The following AFG3L2 variants were observed in gnomAD, a reference collection of about 807,000 sequenced individuals.
AFG3L2 encodes the protein AFG3 like matrix AAA peptidase subunit 2.
Under a neutral mutation model 94.5 loss-of-function variants are expected in AFG3L2, and 54 were observed. The ratio of observed to expected loss-of-function variants is 0.57; its 90% CI spans 0.46 to 0.72. The LOEUF (loss-of-function observed/expected upper bound fraction) is 0.72. Among genes scored for constraint, AFG3L2 ranks in the 30% least tolerant of loss-of-function variants. The pLI is 0.00. For missense variants in AFG3L2, 754 were observed against 994.9 expected (o/e 0.76, Z 3.26); for synonymous variants, 377 against 365.5 (o/e 1.03, Z -0.36).
At chr18:12,338,227 G>A (rs1029236594) in intron 15 of AFG3L2, among the ~76,000 whole-genome samples, 17 of 152,068 alleles carry the variant, frequency 1.1e-4, no homozygotes, top group Admixed American at 5.2e-4. Context: ...ATGAGCCACC[G>A]TGCCCAGCCT....
intron 9 of AFG3L2, among the ~76,000 whole-genome samples, chr18:12,353,502 G>A (rs995938928): frequency 4.0e-5 from 4 of 100,524 alleles, no homozygotes; most frequent in Non-Finnish European, 3.7e-5. Flanking sequence ...CAACAAGAGC[G>A]AAATTCTGTC....
intron 13 of AFG3L2, among the ~76,000 whole-genome samples, chr18:12,347,418 A>ATC (rs1196415199): frequency 6.6e-6 from 1 of 152,206 alleles, no homozygotes; most frequent in African/African-American, 2.4e-5. Context: ...TTGAATTGCT[A>ATC]CTTGCCTTTA....
intron 12 of AFG3L2, among the ~76,000 whole-genome samples, chr18:12,350,081 G>A: frequency 6.6e-6 from 1 of 151,558 alleles, no homozygotes; most frequent in East Asian, 1.9e-4. Context: ...GGGTGATTTA[G>A]GCTCACTGCA....
At chr18:12,360,432 G>A (rs1211272420) in intron 6 of AFG3L2, among the ~76,000 whole-genome samples, 1 of 152,148 alleles carries the variant, frequency 6.6e-6, no homozygotes, top group African/African-American at 2.4e-5. Flanking sequence ...GTGAAACAGG[G>A]ATAAGAGCTA....
chr18:12,372,464 T>C (rs1330978148), intron 1 of AFG3L2, among the ~76,000 whole-genome samples: 1 of 152,196 alleles, frequency 6.6e-6, no homozygotes, highest in East Asian at 1.9e-4. Flanking sequence ...GTAGCCACTC[T>C]GGAAAACAGT....
intron 12 of AFG3L2, among the ~76,000 whole-genome samples, chr18:12,350,819 A>G (rs1275259706): frequency 6.6e-6 from 1 of 152,160 alleles, no homozygotes; most frequent in Non-Finnish European, 1.5e-5. Context: ...ATGGTGGTAC[A>G]TGCCTGTAGT....
rs1908566962 is a variant in AFG3L2, at chr18:12,358,692, T to C, written c.1004A>G (p.Asp335Gly). The change falls in exon 8 of 17, where the codon GAC (aspartate) becomes GGC (glycine). Residue 335 changes from aspartate to glycine, a missense_variant. By Grantham distance (94) the Asp-to-Gly change is moderately conservative. Around this residue, in one of 4 missense-constraint regions of AFG3L2, gnomAD observed 109 missense variants for 227.1 expected, o/e 0.48. Transcript: ENST00000269143. The part of the protein sequence containing the change: ...NFLKNPKQYQ[D>G]LGAKIPKGAI... Reference sequence around the variant, plus strand: ...TACCTTTGGGATTTTTGCTCCTAGGTCTTGATACTGCTTTGGGTTTTTCAA... The same window carrying C: ...TACCTTTGGGATTTTTGCTCCTAGGCCTTGATACTGCTTTGGGTTTTTCAA... 1 of 1,614,252 alleles carries C rather than the reference T, an allele frequency of 6.2e-7. No homozygotes were observed. Among genetic ancestry groups the C allele is most frequent in the Admixed American group, 1.7e-5 (1 of 60,032 alleles).
intron 16 of AFG3L2, among the ~76,000 whole-genome samples, chr18:12,333,361 TATA>T (rs1568132380): frequency 5.3e-5 from 7 of 133,306 alleles, no homozygotes; most frequent in African/African-American, 1.7e-4. Context: ...ATTATATATA[TATA>T]TTTTTTCCCC....
At chr18:12,367,809 C>T (rs553236015) in intron 3 of AFG3L2, among the ~76,000 whole-genome samples, 5 of 152,134 alleles carry the variant, frequency 3.3e-5, no homozygotes, top group South Asian at 4.2e-4. Context: ...ACCAGAATTT[C>T]GGGGGGCCAA....
intron 12 of AFG3L2, among the ~76,000 whole-genome samples, chr18:12,349,366 T>TA (rs765629234): frequency 5.9e-5 from 9 of 152,288 alleles, no homozygotes; most frequent in Admixed American, 2.0e-4. Context: ...CTCAAAAAGT[T>TA]AGAGTTACCA....
chr18:12,342,673 T>C (rs1163870689), intron 14 of AFG3L2: 2 of 152,216 alleles, frequency 1.3e-5, no homozygotes, highest in African/African-American at 4.8e-5. Flanking sequence ...ATGGTTTTAG[T>C]TCTTATGACC....
chr18:12,372,431 T>A (rs904024310), intron 1 of AFG3L2, among the ~76,000 whole-genome samples: 1 of 152,212 alleles, frequency 6.6e-6, no homozygotes, highest in African/African-American at 2.4e-5. Flanking sequence ...CTGTACACTG[T>A]GCTGGTGAGA....
chr18:12,362,119 A>G (rs1238839555), intron 6 of AFG3L2, among the ~76,000 whole-genome samples: 3 of 152,248 alleles, frequency 2.0e-5, no homozygotes, highest in Admixed American at 6.5e-5. Flanking sequence ...TATGCACACT[A>G]AAATTTGAAA....
rs144035534 is a variant in AFG3L2, at chr18:12,367,322, C to T, written c.353G>A (p.Arg118Gln). The T allele has an allele frequency of 5.6e-6, 9 of 1,614,070 alleles. No individual in the cohort carries two copies. Among genetic ancestry groups the T allele is most frequent in the Middle Eastern group, 1.6e-4 (1 of 6,084 alleles). The change falls in exon 4 of 17, where the codon CGA becomes CAA. Residue 118 changes from arginine (R) to glutamine (Q), a missense_variant. By Grantham distance (43) the Arg-to-Gln change is conservative. Transcript: ENST00000269143. ...SGGGGGGGGK[R>Q]GGKKDDSHWW... ...GTGAGAATCATCTTTCTTGCCACCTCGTTTTCCACCGCCACCACCTCCTCC... is the reference window on the plus strand; with the variant it reads ...GTGAGAATCATCTTTCTTGCCACCTTGTTTTCCACCGCCACCACCTCCTCC...
Position 12,330,504 on chromosome 18 carries a change from G to A in AFG3L2, c.2176-721C>T, listed in dbSNP as rs559899945. Among the ~76,000 whole-genome samples, 192 of 152,238 alleles carry A rather than the reference G, an allele frequency of 1.3e-3. 2 individuals are homozygous for A. In the South Asian group the frequency reaches 0.013, roughly 10 times the overall value. On this transcript the variant is annotated intron_variant, in intron 16 of 16. Coordinates refer to ENST00000269143, the MANE Select transcript of AFG3L2 (RefSeq NM_006796.3). ...ATTAAAGCAGAATAGGCAGCCAAGT[G>A]CAGTGGCTCACACCTGTAATCCCAG...
intron 13 of AFG3L2, 98 bp from the exon 14 acceptor site, chr18:12,344,345 G>T: frequency 9.9e-7 from 1 of 1,013,560 alleles, no homozygotes; most frequent in Non-Finnish European, 1.5e-6. Flanking sequence ...ACCTAAAATG[G>T]GGTTTGGAGA....
intron 5 of AFG3L2, among the ~76,000 whole-genome samples, chr18:12,365,586 T>A (rs1908779978): frequency 1.3e-5 from 2 of 152,168 alleles, no homozygotes; most frequent in South Asian, 4.2e-4. Flanking sequence ...CCACTGAAGG[T>A]TTCCAACTTC....
rs148540794 is a variant in AFG3L2, at chr18:12,350,231, G to A, written c.1552+854C>T. ...TTGCCATGTTAGCCAGGCTGGTCTC[G>A]AACTCCTGACCTCAGGTGATCCACC... On this transcript the variant is annotated intron_variant, in intron 12 of 16. Transcript: ENST00000269143. Among the ~76,000 whole-genome samples the A allele has an allele frequency of 4.5e-3, 688 of 151,588 alleles. 4 individuals carry two copies. Among genetic ancestry groups the A allele is most frequent in the South Asian group, 8.2e-3 (39 of 4,784 alleles).
intron 9 of AFG3L2, among the ~76,000 whole-genome samples, chr18:12,354,990 G>A (rs1284579203): frequency 1.3e-5 from 2 of 152,050 alleles, no homozygotes; most frequent in Non-Finnish European, 2.9e-5. Flanking sequence ...CAAGGCAGGG[G>A]GTGCATCACC....
Sources: gnomAD v4.1 joint callset for allele counts (sites outside exome capture counted in the v4.1 genomes callset) on GRCh38, gnomAD v4.1.1 for gene constraint, gnomAD v4.1.1 regional missense constraint, MANE v1.5 for transcripts, NCBI Gene and HGNC (gene_info 2026-07-23, HGNC 2026-07-21) for gene names.